RBFOX1: variants seen among roughly 807,000 people sequenced by gnomAD.
The protein encoded by RBFOX1 is RNA binding protein fox-1 homolog 1.
A neutral mutation model predicts 57.7 loss-of-function variants in RBFOX1; 8 were observed. The observed-to-expected ratio is 0.14, with a 90% CI of 0.08 to 0.25. The LOEUF (loss-of-function observed/expected upper bound fraction) is 0.25. RBFOX1 is among the 10% of genes least tolerant of loss of function. The probability of loss-of-function intolerance (pLI) is 1.00; values close to 1 mark genes in which losing one functional copy is unlikely to be tolerated. For synonymous variants in RBFOX1, 326 were observed against 222.4 expected (o/e 1.47, Z -4.15); for missense variants, 611 against 548.5 (o/e 1.11, Z -1.14).
At chr16:7,004,168 G>A (rs1372208667) in intron 3 of RBFOX1, 2 of 152,114 alleles carry the variant, frequency 1.3e-5, no homozygotes, top group Non-Finnish European at 1.5e-5. Flanking sequence ...CTTATGCACA[G>A]AAGAATGATG....
At chr16:7,636,449 A>T (rs1056631095) in intron 11 of RBFOX1, among the ~76,000 whole-genome samples, 4 of 152,178 alleles carry the variant, frequency 2.6e-5, no homozygotes. Flanking sequence ...CGTGAGTGAC[A>T]CTTGTTTACT....
intron 2 of RBFOX1, among the ~76,000 whole-genome samples, chr16:5,538,021 A>G (rs1352148): frequency 0.13 from 19,847 of 152,192 alleles, 1,752 homozygotes; most frequent in African/African-American, 0.25. Context: ...CAGAGATACC[A>G]TGAATTTCTC....
chr16:5,507,179 A>G (rs755657459), intron 2 of RBFOX1, among the ~76,000 whole-genome samples: 29 of 152,148 alleles, frequency 1.9e-4, no homozygotes, highest in Non-Finnish European at 3.1e-4. Context: ...GGGTGTGTGA[A>G]TTAGAATGAT....
At chr16:5,706,534 C>G (rs2051254929) in intron 3 of RBFOX1, among the ~76,000 whole-genome samples, 1 of 152,136 alleles carries the variant, frequency 6.6e-6, no homozygotes, top group Non-Finnish European at 1.5e-5. Flanking sequence ...AAAAATTTAT[C>G]TTCTCTGGGA....
At position 6,450,837 on chromosome 16, in the gene RBFOX1, GTGTATATATATATATATATA is replaced by G. The variant is rs1567303890; in HGVS notation, c.-64+133782_-64+133801del. On this transcript the variant is annotated intron_variant, in intron 2 of 15. Transcript: ENST00000550418. ...TATATACATATATATATATATATATGTGTATATATATATATATATATATATATATATATATATCTCCTCTG... is the reference window on the plus strand; with the variant it reads ...TATATACATATATATATATATATATGTATATATATATATATATCTCCTCTG... 1.7e-3 allele frequency among the ~76,000 whole-genome samples: 37 copies of G among 21,728 alleles called. 2 individuals are homozygous for G. The highest frequency in any genetic ancestry group is 5.7e-3 in the African/African-American group (32 of 5,602). The allele number at this position is 21,728 out of a possible 152,430, so 14.3% of individuals were successfully genotyped here.
intron 3 of RBFOX1, among the ~76,000 whole-genome samples, chr16:5,713,458 T>A (rs2051569209): frequency 6.6e-6 from 1 of 152,208 alleles, no homozygotes; most frequent in Non-Finnish European, 1.5e-5. Context: ...AATATTTCCC[T>A]GTCTGAGCTA....
At chr16:6,142,185 GCTGC>G (rs2096721598) in intron 1 of RBFOX1, among the ~76,000 whole-genome samples, 1 of 76,082 alleles carries the variant, frequency 1.3e-5, no homozygotes, top group African/African-American at 6.6e-5. Flanking sequence ...TGTTGCTGCT[GCTGC>G]AAAAAAAAAA....
At chr16:5,439,036 G>T (rs1004026976) in intron 1 of RBFOX1, among the ~76,000 whole-genome samples, 35 of 150,218 alleles carry the variant, frequency 2.3e-4, no homozygotes, top group East Asian at 7.9e-4. Flanking sequence ...GAATAATGGG[G>T]GGGGGGGCAT....
chr16:6,617,239 A>G (rs770186188), intron 2 of RBFOX1, among the ~76,000 whole-genome samples: 2 of 151,854 alleles, frequency 1.3e-5, no homozygotes, highest in Non-Finnish European at 2.9e-5. Context: ...CATGTTTGAA[A>G]TCAATTACAT....
Position 5,861,672 on chromosome 16 carries a change from C to T in RBFOX1, c.319-5631C>T, listed in dbSNP as rs146500230. ...CCCCTAATCCACCCATGCCCCATGA[C>T]GGTGCCAGCATTTGGACATCTTTCA... On this transcript the variant is annotated intron_variant, in intron 3 of 19. Transcript: ENST00000641259. 2.4e-3 allele frequency among the ~76,000 whole-genome samples: 372 copies of T among 152,304 alleles called. 1 individual carries two copies. The highest frequency in any genetic ancestry group is 8.4e-3 in the African/African-American group (348 of 41,576).
intron 11 of RBFOX1, among the ~76,000 whole-genome samples, chr16:7,631,762 C>G (rs774160437): frequency 6.6e-6 from 1 of 152,140 alleles, no homozygotes; most frequent in Non-Finnish European, 1.5e-5. Flanking sequence ...CAAACATCTT[C>G]GTTTCCTAAA....
At chr16:6,801,542 G>A (rs927686274) in intron 3 of RBFOX1, among the ~76,000 whole-genome samples, 1 of 152,104 alleles carries the variant, frequency 6.6e-6, no homozygotes, top group African/African-American at 2.4e-5. Flanking sequence ...CAGGGCCCTT[G>A]AAATTTAGGG....
At chr16:7,349,234 C>T (rs1447384999) in intron 4 of RBFOX1, among the ~76,000 whole-genome samples, 1 of 152,166 alleles carries the variant, frequency 6.6e-6, no homozygotes, top group African/African-American at 2.4e-5. Flanking sequence ...ATCTTCCTGG[C>T]AGCCTTCTAT....
intron 2 of RBFOX1, among the ~76,000 whole-genome samples, chr16:6,419,948 C>A (rs756778146): frequency 1.3e-5 from 2 of 152,096 alleles, no homozygotes; most frequent in Non-Finnish European, 2.9e-5. Context: ...GCTGCAGGCC[C>A]CCCCATCCCT....
At chr16:5,514,646 T>A (rs1876352) in intron 2 of RBFOX1, among the ~76,000 whole-genome samples, 2 of 152,154 alleles carry the variant, frequency 1.3e-5, no homozygotes, top group East Asian at 3.9e-4. Context: ...ACAAAACGGA[T>A]GCACATCTCT....
intron 4 of RBFOX1, among the ~76,000 whole-genome samples, chr16:7,054,766 G>C (rs796489098): frequency 6.6e-6 from 1 of 152,208 alleles, no homozygotes; most frequent in African/African-American, 2.4e-5. Context: ...TGCATTTCCA[G>C]ATTTGCTATC....
chr16:5,845,444 A>C (rs1468199471), intron 3 of RBFOX1, among the ~76,000 whole-genome samples: 2 of 152,132 alleles, frequency 1.3e-5, no homozygotes, highest in Non-Finnish European at 2.9e-5. Flanking sequence ...TTCAGATCTC[A>C]GTTTATTTCT....
At chr16:7,094,211 T>G (rs909117281) in intron 4 of RBFOX1, among the ~76,000 whole-genome samples, 36 of 151,964 alleles carry the variant, frequency 2.4e-4, no homozygotes, top group African/African-American at 8.7e-4. Context: ...AGCAAATTAG[T>G]TTCTGTGCAA....
intron 4 of RBFOX1, among the ~76,000 whole-genome samples, chr16:7,137,270 A>T (rs1236918421): frequency 6.6e-6 from 1 of 152,186 alleles, no homozygotes; most frequent in Non-Finnish European, 1.5e-5. Flanking sequence ...TGACCAGCAC[A>T]GGTGATACGG....
Sources: gnomAD v4.1 joint callset for allele counts (sites outside exome capture counted in the v4.1 genomes callset) on GRCh38, gnomAD v4.1.1 for gene constraint, MANE v1.5 for transcripts, NCBI Gene and HGNC (gene_info 2026-07-23, HGNC 2026-07-21) for gene names.